The following CPNE8 variants were observed in gnomAD, a reference collection of about 807,000 sequenced individuals.
CPNE8 encodes the protein copine 8.
Under a neutral mutation model 81.5 loss-of-function variants are expected in CPNE8, and 45 were observed. The observed-to-expected ratio is 0.55, with a 90% confidence interval of 0.44 to 0.71. The LOEUF (loss-of-function observed/expected upper bound fraction) is 0.71. CPNE8 is among the 30% of genes least tolerant of loss of function. The pLI, the probability that CPNE8 is intolerant of heterozygous loss-of-function variation, is 0.00. For missense variants in CPNE8, 594 were observed against 672.1 expected (o/e 0.88, Z 1.28); for synonymous variants, 252 against 226.3 (o/e 1.11, Z -1.02).
intron 6 of CPNE8, among the ~76,000 whole-genome samples, chr12:38,788,585 T>C (rs931589636): frequency 2.6e-5 from 4 of 151,824 alleles, no homozygotes; most frequent in African/African-American, 9.7e-5. Context: ...TTATTCAACA[T>C]AGTACTGGAA....
chr12:38,798,285 A>C (rs1267572519), intron 6 of CPNE8, among the ~76,000 whole-genome samples: 2 of 152,172 alleles, frequency 1.3e-5, no homozygotes, highest in Non-Finnish European at 1.5e-5. Context: ...AAAAATGTTA[A>C]GGGCAGCCAG....
At chr12:38,662,425 A>G (rs1270681739) in intron 19 of CPNE8, among the ~76,000 whole-genome samples, 2 of 152,176 alleles carry the variant, frequency 1.3e-5, no homozygotes, top group Non-Finnish European at 2.9e-5. Context: ...AAAACTAGAA[A>G]TACGTTTAAT....
chr12:38,848,487 G>C (rs1943592033), intron 4 of CPNE8, 72 bp downstream of exon 4: 1 of 1,468,246 alleles, frequency 6.8e-7, no homozygotes. Context: ...GCAACCATAG[G>C]ACCCTGCCTT....
At chr12:38,786,249 C>T (rs909547631) in intron 6 of CPNE8, among the ~76,000 whole-genome samples, 2 of 152,178 alleles carry the variant, frequency 1.3e-5, no homozygotes, top group Non-Finnish European at 2.9e-5. Context: ...TGAGTGTCAA[C>T]TTGATTGGAT....
At chr12:38,681,410 A>G (rs1399886673) in intron 16 of CPNE8, among the ~76,000 whole-genome samples, 1 of 152,176 alleles carries the variant, frequency 6.6e-6, no homozygotes, top group African/African-American at 2.4e-5. Context: ...TCAACATAGT[A>G]TTAAGTTCAT....
chr12:38,851,990 T>A (rs1341892347), intron 3 of CPNE8, among the ~76,000 whole-genome samples: 2 of 152,178 alleles, frequency 1.3e-5, no homozygotes, highest in African/African-American at 2.4e-5. Flanking sequence ...AATGGCTGAC[T>A]TTTTCCTCAT....
intron 7 of CPNE8, among the ~76,000 whole-genome samples, chr12:38,770,848 AT>A (rs2136876494): frequency 6.6e-6 from 1 of 152,132 alleles, no homozygotes; most frequent in Non-Finnish European, 1.5e-5. Flanking sequence ...AGGCCCAGTG[AT>A]TCCCCCAAGG....
intron 15 of CPNE8, among the ~76,000 whole-genome samples, chr12:38,690,460 A>G (rs1301629148): frequency 6.6e-6 from 1 of 152,216 alleles, no homozygotes; most frequent in Non-Finnish European, 1.5e-5. Context: ...AGGCATTATC[A>G]TCAACATAAT....
At chr12:38,876,366 A>G (rs1944066278) in intron 1 of CPNE8, among the ~76,000 whole-genome samples, 1 of 152,130 alleles carries the variant, frequency 6.6e-6, no homozygotes, top group African/African-American at 2.4e-5. Flanking sequence ...GGCATGTGCC[A>G]TCACGCCCAG....
chr12:38,749,077 C>A (rs537577617), intron 10 of CPNE8, among the ~76,000 whole-genome samples: 2 of 152,180 alleles, frequency 1.3e-5, no homozygotes, highest in African/African-American at 4.8e-5. Flanking sequence ...CTGGGAGGAA[C>A]CCTGTGGGAA....
At position 38,762,129 on chromosome 12, in the gene CPNE8, A is replaced by G; in HGVS notation, c.663T>C (p.Cys221=). The change falls in exon 9 of 20, where the codon TGT becomes TGC. Residue 221 remains cysteine, a synonymous_variant. Transcript: ENST00000331366. ...CTTCTTACCTGTCATAGTCTCCATTACATAATGCTCTGACTGAGATCTTGA... is the reference window on the plus strand; with the variant it reads ...CTTCTTACCTGTCATAGTCTCCATTGCATAATGCTCTGACTGAGATCTTGA... ...QAFKISVRAL[C]NGDYDRTIKV... 5 of 1,575,736 alleles carry G rather than the reference A, an allele frequency of 3.2e-6. No individual in the cohort carries two copies. The highest frequency in any genetic ancestry group is 4.3e-6 in the Non-Finnish European group (5 of 1,156,076).
At chr12:38,835,565 G>A (rs1322960265) in intron 5 of CPNE8, among the ~76,000 whole-genome samples, 3 of 152,118 alleles carry the variant, frequency 2.0e-5, no homozygotes, top group Non-Finnish European at 2.9e-5. Context: ...ACAAGTGCCT[G>A]TCCTATATTT....
At position 38,653,919 on chromosome 12, in the gene CPNE8, T is replaced by C; in HGVS notation, c.1658A>G (p.Tyr553Cys). The change falls in exon 20 of 20, where the codon TAC becomes TGC. Residue 553 changes from tyrosine (Y) to cysteine (C), a missense_variant. Transcript: ENST00000331366. ...CTGTAACACATGTGTAGGTGGGGTGTATGGGGGAGGCGCAGGTGATGGCTT... is the reference window on the plus strand; with the variant it reads ...CTGTAACACATGTGTAGGTGGGGTGCATGGGGGAGGCGCAGGTGATGGCTT... ...GIKPSPAPPPYTPPTHVLQTQ... is the reference protein window; with the variant it reads ...GIKPSPAPPPCTPPTHVLQTQ... 1 of 1,613,322 alleles carries C rather than the reference T, an allele frequency of 6.2e-7. No individual in the cohort carries two copies. Among genetic ancestry groups the C allele is most frequent in the Non-Finnish European group, 8.5e-7 (1 of 1,179,860 alleles).
At chr12:38,814,089 A>T (rs891776106) in intron 6 of CPNE8, among the ~76,000 whole-genome samples, 5 of 152,052 alleles carry the variant, frequency 3.3e-5, no homozygotes, top group Admixed American at 2.0e-4. Flanking sequence ...CTGCAGCATG[A>T]GGTAGAAGCA....
chr12:38,675,862 G>A, intron 17 of CPNE8, 88 bp from the exon 18 acceptor site: 4 of 880,176 alleles, frequency 4.5e-6, no homozygotes, highest in Non-Finnish European at 7.4e-6. Context: ...TCTCACTCTT[G>A]AAATCCCAGC....
At chr12:38,719,826 T>G (rs991092606) in intron 13 of CPNE8, among the ~76,000 whole-genome samples, 1 of 152,154 alleles carries the variant, frequency 6.6e-6, no homozygotes, top group Non-Finnish European at 1.5e-5. Flanking sequence ...TTACATACAT[T>G]TATAATATGT....
chr12:38,667,303 C>T (rs1939079681), intron 19 of CPNE8, among the ~76,000 whole-genome samples: 1 of 152,134 alleles, frequency 6.6e-6, no homozygotes, highest in African/African-American at 2.4e-5. Context: ...AAAATATTAT[C>T]CTGCATGTAC....
At chr12:38,709,158 T>C (rs1369615825) in intron 13 of CPNE8, among the ~76,000 whole-genome samples, 1 of 152,224 alleles carries the variant, frequency 6.6e-6, no homozygotes, top group African/African-American at 2.4e-5. Context: ...GTTCACACTT[T>C]GGTTCTGGAA....
At chr12:38,797,937 GA>G (rs574768094) in intron 6 of CPNE8, among the ~76,000 whole-genome samples, 69 of 152,266 alleles carry the variant, frequency 4.5e-4, no homozygotes, top group African/African-American at 1.2e-3. Context: ...TCAACTAGAA[GA>G]AAGGGTATCA....
Sources: allele counts gnomAD v4.1 joint callset (sites outside exome capture counted in the v4.1 genomes callset), GRCh38; gene constraint gnomAD v4.1.1; transcripts MANE v1.5; gene names NCBI Gene and HGNC (gene_info 2026-07-23, HGNC 2026-07-21).